The following DSE variants were observed in gnomAD, a reference collection of about 807,000 sequenced individuals.
The protein encoded by DSE is dermatan-sulfate epimerase.
Under a neutral mutation model 84.4 loss-of-function variants are expected in DSE, and 36 were observed. The ratio of observed to expected loss-of-function variants is 0.43; its 90% CI spans 0.33 to 0.56. The LOEUF is 0.56. DSE is among the 20% of genes least tolerant of loss of function. The pLI is 0.06. For synonymous variants in DSE, 410 were observed against 430.1 expected (o/e 0.95, Z 0.58); for missense variants, 862 against 1,169.6 (o/e 0.74, Z 3.84).
intron 2 of DSE, among the ~76,000 whole-genome samples, chr6:116,410,330 G>T (rs1228196049): frequency 6.6e-6 from 1 of 152,088 alleles, no homozygotes; most frequent in Non-Finnish European, 1.5e-5. Context: ...TGATGCCCCA[G>T]TGCCTACAGG....
chr6:116,420,281 T>C (rs1263737299), intron 2 of DSE, among the ~76,000 whole-genome samples: 2 of 152,188 alleles, frequency 1.3e-5, no homozygotes, highest in Non-Finnish European at 2.9e-5. Flanking sequence ...TCAAAATTTA[T>C]ATTGAAGCCC....
chr6:116,364,723 T>G (rs1779069589), intron 2 of DSE, among the ~76,000 whole-genome samples: 1 of 152,128 alleles, frequency 6.6e-6, no homozygotes, highest in African/African-American at 2.4e-5. Context: ...TAATAAAAAC[T>G]AATCTTCACA....
At chr6:116,433,236 A>T in intron 4 of DSE, 107 bp from the exon 5 acceptor site, 1 of 1,079,028 alleles carries the variant, frequency 9.3e-7, no homozygotes. Context: ...TATCCCTTCC[A>T]TTACACAATT....
upstream of DSE, among the ~76,000 whole-genome samples, chr6:116,368,943 C>CCG (rs1554218639): frequency 1.2e-5 from 1 of 84,332 alleles, no homozygotes; most frequent in Admixed American, 1.1e-4. Context: ...GGCGGGGGGA[C>CCG]GGGGGGGGCT....
chr6:116,259,113 C>T (rs1479243843), intron 2 of DSE: 56 of 1,452,794 alleles, frequency 3.9e-5, no homozygotes, highest in Non-Finnish European at 5.2e-5. Context: ...CCCACTCAGT[C>T]ATCGTGAGAA....
intron 2 of DSE, among the ~76,000 whole-genome samples, chr6:116,274,350 T>C (rs1350586116): frequency 6.6e-6 from 1 of 151,614 alleles, no homozygotes; most frequent in African/African-American, 2.4e-5. Context: ...TCGCCTGAGG[T>C]CGGGAGTTTG....
At chr6:116,368,246 C>A (rs373395194), upstream of DSE, among the ~76,000 whole-genome samples, 3 of 152,052 alleles carry the variant, frequency 2.0e-5, no homozygotes, top group South Asian at 2.1e-4. Flanking sequence ...TACCCTGGGA[C>A]AACAGACAAA....
At chr6:116,284,310 G>A (rs760572293) in intron 2 of DSE, among the ~76,000 whole-genome samples, 2 of 152,132 alleles carry the variant, frequency 1.3e-5, no homozygotes, top group Non-Finnish European at 2.9e-5. Flanking sequence ...AACATCCAGT[G>A]TGTCACATCT....
intron 2 of DSE, among the ~76,000 whole-genome samples, chr6:116,359,137 ATATCTT>A (rs1299024149): frequency 2.6e-4 from 39 of 152,066 alleles, no homozygotes; most frequent in Non-Finnish European, 7.4e-5. Flanking sequence ...ATATATTTCT[ATATCTT>A]TATTGTCTAT....
chr6:116,258,877 C>G (rs1772274911), exon 2 of DSE: 1 of 1,606,358 alleles, frequency 6.2e-7, no homozygotes, highest in African/African-American at 1.3e-5. Context: ...GTTGTTGCAG[C>G]CGTGCATCAT....
chr6:116,384,497 G>C (rs979106118), intron 1 of DSE, among the ~76,000 whole-genome samples: 220 of 152,260 alleles, frequency 1.4e-3, no homozygotes, highest in African/African-American at 5.1e-3. Context: ...TTGTGCCTTG[G>C]GGGAGGCTGG....
At chr6:116,417,086 A>C (rs1253303987) in intron 2 of DSE, among the ~76,000 whole-genome samples, 2 of 152,180 alleles carry the variant, frequency 1.3e-5, no homozygotes, top group Non-Finnish European at 2.9e-5. Flanking sequence ...TTTTAACCGT[A>C]GTCTTTAAGC....
chr6:116,259,584 A>G (rs1408579777), intron 2 of DSE, among the ~76,000 whole-genome samples: 1 of 152,152 alleles, frequency 6.6e-6, no homozygotes, highest in Non-Finnish European at 1.5e-5. Flanking sequence ...TGTTGTATAG[A>G]TTATTTCATC....
chr6:116,273,831 TTTG>T (rs1290895705), intron 2 of DSE, among the ~76,000 whole-genome samples: 18 of 85,288 alleles, frequency 2.1e-4, no homozygotes, highest in African/African-American at 7.9e-4. Flanking sequence ...AGTATGTTTT[TTTG>T]TTTTTTTTTT....
intron 2 of DSE, among the ~76,000 whole-genome samples, chr6:116,337,539 G>A (rs1259866161): frequency 2.0e-5 from 3 of 151,870 alleles, no homozygotes; most frequent in Non-Finnish European, 2.9e-5. Flanking sequence ...TTTAATCCAG[G>A]AGGCAGAGTT....
upstream of DSE, chr6:116,370,929 C>T: frequency 1.0e-6 from 1 of 985,466 alleles, no homozygotes; most frequent in Non-Finnish European, 1.2e-6. Flanking sequence ...CCTACCCGCC[C>T]CCGCCGGCCC....
intron 1 of DSE, among the ~76,000 whole-genome samples, chr6:116,379,646 C>T (rs574871): frequency 0.69 from 104,213 of 152,000 alleles, 36,440 homozygotes; most frequent in East Asian, 0.98. Context: ...GAAACAAGTA[C>T]TGTTCAGGGT....
rs149221924 is a variant in DSE, at chr6:116,373,222, G to T, written c.-54+2101G>T. Among the ~76,000 whole-genome samples, 915 of 152,250 alleles carry T rather than the reference G, an allele frequency of 6.0e-3. 7 individuals carry two copies. The highest frequency in any genetic ancestry group is 0.021 in the African/African-American group (859 of 41,538). On this transcript the variant is annotated intron_variant, in intron 1 of 5. Coordinates refer to ENST00000644252, the MANE Select transcript of DSE (RefSeq NM_013352.4). ...ACAAAACAAAAAATAAATTAGCTGG[G>T]CGTGGTGTCGCGCGCCTGTAGTCCC...
intron 2 of DSE, among the ~76,000 whole-genome samples, chr6:116,259,627 T>C (rs1454008915): frequency 6.6e-6 from 1 of 152,232 alleles, no homozygotes; most frequent in Non-Finnish European, 1.5e-5. Context: ...CTATGAGTTA[T>C]TTTTCATTAT....
Sources: gnomAD v4.1 joint callset for allele counts (sites outside exome capture counted in the v4.1 genomes callset) on GRCh38, gnomAD v4.1.1 for gene constraint, MANE v1.5 for transcripts, NCBI Gene and HGNC (gene_info 2026-07-23, HGNC 2026-07-21) for gene names.